Variants in STAM observed in about 807,000 individuals in gnomAD.
STAM encodes signal transducing adaptor molecule, also known as signal transducing adapter molecule 1.
A neutral mutation model predicts 63.4 loss-of-function variants in STAM; 16 were observed. The ratio of observed to expected loss-of-function variants is 0.25; its 90% CI spans 0.17 to 0.38. The LOEUF is 0.38. Among genes scored for constraint, STAM ranks in the 10% least tolerant of loss-of-function variants. The pLI is 1.00. For synonymous variants in STAM, 238 were observed against 223.9 expected, an observed-to-expected ratio of 1.06 and a Z score of -0.56; for missense variants, 636 against 657.1, an observed-to-expected ratio of 0.97 and a Z score of 0.35.
At chr10:17,649,673 G>C (rs61132226) in intron 1 of STAM, among the ~76,000 whole-genome samples, 17,101 of 152,126 alleles carry the variant, frequency 0.11, 1,041 homozygotes, top group Middle Eastern at 0.16. Flanking sequence ...TCTATTTGCT[G>C]TTCTTTTTTC....
chr10:17,654,493 A>G (rs1486433965), intron 1 of STAM, among the ~76,000 whole-genome samples: 1 of 152,136 alleles, frequency 6.6e-6, no homozygotes, highest in Admixed American at 6.5e-5. Flanking sequence ...AAGTGCTGGG[A>G]TTACAGGCGT....
rs782762930 is a variant in STAM at position 17,696,725 on chromosome 10, A to C, written c.729-50A>C. ...AATACTACAAAAGATAAAGATGTAC[A>C]GAAATAAATACATTTGTTATGGTAA... On this transcript the variant is annotated intron_variant, in intron 7 of 13. Transcript: ENST00000377524. 31 of 1,339,538 alleles carry C rather than the reference A, an allele frequency of 2.3e-5. No homozygotes were observed. The South Asian group carries it at 3.5e-4, about 15-fold the overall frequency. 83.0% of individuals were successfully genotyped at this position (1,339,538 alleles called of 1,614,324 possible).
intron 2 of STAM, among the ~76,000 whole-genome samples, chr10:17,680,364 C>G (rs1835032349): frequency 6.6e-6 from 1 of 151,948 alleles, no homozygotes; most frequent in Non-Finnish European, 1.5e-5. Context: ...TCGCTGCTCC[C>G]CAGGCCCCCT....
chr10:17,708,651 CT>C (rs1836407602), intron 12 of STAM, 124 bp from the exon 13 acceptor site: 1 of 1,000,382 alleles, frequency 1.0e-6, no homozygotes, highest in Non-Finnish European at 1.4e-6. Flanking sequence ...ACAGAAATAA[CT>C]TTGAAAAAAG....
intron 2 of STAM, among the ~76,000 whole-genome samples, chr10:17,669,330 C>G (rs1453570625): frequency 6.7e-6 from 1 of 148,174 alleles, no homozygotes; most frequent in Non-Finnish European, 1.5e-5. Context: ...TATGTTTTGA[C>G]ATTTGGTAGG....
At chr10:17,685,368 A>G (rs1589074401) in intron 4 of STAM, among the ~76,000 whole-genome samples, 2 of 152,278 alleles carry the variant, frequency 1.3e-5, no homozygotes, top group South Asian at 4.1e-4. Flanking sequence ...CTATACTGCT[A>G]TTCTTACTGG....
At chr10:17,703,039 A>G (rs1836084343) in intron 9 of STAM, among the ~76,000 whole-genome samples, 1 of 151,248 alleles carries the variant, frequency 6.6e-6, no homozygotes, top group African/African-American at 2.4e-5. Flanking sequence ...AAAAGAAAAG[A>G]AAAGAAAAGA....
At position 17,695,106 on chromosome 10, in the gene STAM, A is replaced by G. The variant is rs1554827302; in HGVS notation, c.593A>G (p.Tyr198Cys). 2.5e-6 allele frequency: 4 copies of G among 1,614,058 alleles called. No homozygotes were observed. The highest frequency in any genetic ancestry group is 3.4e-6 in the Non-Finnish European group (4 of 1,179,964). ...RQQSTTLSTL[Y>C]PSTSSLLTNH... ...CAGTCAACCACCCTTTCCACTTTGTATCCAAGCACATCCAGTCTCTTAACT... is the reference window on the plus strand; with the variant it reads ...CAGTCAACCACCCTTTCCACTTTGTGTCCAAGCACATCCAGTCTCTTAACT... Residue 198 changes from tyrosine (Y) to cysteine (C), a missense_variant, in exon 7 of 14, where the codon TAT becomes TGT. Physicochemically the swap from Tyr to Cys is radical, Grantham distance 194. Transcript: ENST00000377524.
intron 2 of STAM, among the ~76,000 whole-genome samples, chr10:17,679,755 C>G (rs1835004664): frequency 7.2e-6 from 1 of 138,282 alleles, no homozygotes; most frequent in Admixed American, 7.3e-5. Flanking sequence ...AAGTCAGTTT[C>G]TTTTCTTTTT....
At chr10:17,714,486 C>G (rs1554830453) in intron 13 of STAM, 57 bp from the exon 14 acceptor site, 5 of 1,482,522 alleles carry the variant, frequency 3.4e-6, no homozygotes, top group Non-Finnish European at 4.7e-6. Context: ...TTCCATTTAT[C>G]TGTAGTTGCT....
chr10:17,699,837 A>G (rs753647073), intron 8 of STAM, among the ~76,000 whole-genome samples: 1 of 152,170 alleles, frequency 6.6e-6, no homozygotes, highest in Non-Finnish European at 1.5e-5. Flanking sequence ...TTTATTTTAA[A>G]TTGCAGAATT....
chr10:17,658,384 G>T (rs1834027439), intron 1 of STAM, among the ~76,000 whole-genome samples: 1 of 152,016 alleles, frequency 6.6e-6, no homozygotes, highest in Non-Finnish European at 1.5e-5. Flanking sequence ...CTGCATGAGA[G>T]CTTGGGAAGA....
chr10:17,702,738 A>G (rs1836054689), intron 9 of STAM, among the ~76,000 whole-genome samples: 1 of 152,174 alleles, frequency 6.6e-6, no homozygotes, highest in African/African-American at 2.4e-5. Flanking sequence ...GGCCAGGCGC[A>G]GTGGCTCTCG....
rs1836817822 is a variant in STAM at position 17,716,421 on chromosome 10, C to G, written c.*1641C>G. On this transcript the variant is annotated 3_prime_UTR_variant, in exon 14 of 14. Transcript: ENST00000377524. The stretch of plus-strand genomic sequence containing the variant: ...TTAAGGGTAACTTAAGTGTTTCGCT[C>G]AAGTGTTGTGTTCTGATTTCCTGTG... Among the ~76,000 whole-genome samples the G allele has an allele frequency of 6.6e-6, 1 of 151,858 alleles. No homozygotes were observed. The highest frequency in any genetic ancestry group is 1.9e-4 in the East Asian group (1 of 5,146).
intron 6 of STAM, among the ~76,000 whole-genome samples, chr10:17,693,837 G>A (rs1230919663): frequency 2.0e-5 from 3 of 152,042 alleles, no homozygotes; most frequent in African/African-American, 7.2e-5. Flanking sequence ...GTGACTAAAA[G>A]CAATATTGTT....
At chr10:17,651,038 C>T (rs1833719755) in intron 1 of STAM, among the ~76,000 whole-genome samples, 1 of 133,044 alleles carries the variant, frequency 7.5e-6, no homozygotes, top group Non-Finnish European at 1.5e-5. Context: ...GCATTCCAGC[C>T]TTGGTGACAG....
intron 1 of STAM, among the ~76,000 whole-genome samples, chr10:17,654,922 A>G (rs370331643): frequency 6.6e-6 from 1 of 152,156 alleles, no homozygotes; most frequent in Non-Finnish European, 1.5e-5. Context: ...AATTTTCACA[A>G]AGTAGTCTGT....
chr10:17,659,651 T>C lies in STAM; in HGVS notation c.41-813T>C, dbSNP rs1834085071. Among the ~76,000 whole-genome samples, 4 of 151,916 alleles carry C rather than the reference T, an allele frequency of 2.6e-5. No homozygotes were observed. The South Asian group carries it at 8.3e-4, about 32-fold the overall frequency. On this transcript the variant is annotated intron_variant, in intron 1 of 13. Transcript: ENST00000377524. Reference sequence around the variant, plus strand: ...GCCCAGCTAATTATTTTTTTAAAGATGAGGCCTTGCTCTGCTGCCCAGACT... The same window carrying C: ...GCCCAGCTAATTATTTTTTTAAAGACGAGGCCTTGCTCTGCTGCCCAGACT...
At chr10:17,654,808 T>A (rs1833877349) in intron 1 of STAM, among the ~76,000 whole-genome samples, 1 of 152,254 alleles carries the variant, frequency 6.6e-6, no homozygotes, top group Non-Finnish European at 1.5e-5. Context: ...GGTCTTGTTG[T>A]TTTATTTCCT....
Sources: allele counts gnomAD v4.1 joint callset (sites outside exome capture counted in the v4.1 genomes callset), GRCh38; gene constraint gnomAD v4.1.1; transcripts MANE v1.5; gene names NCBI Gene and HGNC (gene_info 2026-07-23, HGNC 2026-07-21).